PRKCA: variants seen among roughly 807,000 people sequenced by gnomAD.
PRKCA encodes the protein protein kinase C alpha type.
A neutral mutation model predicts 87.0 loss-of-function variants in PRKCA; 27 were observed. That is an observed-to-expected ratio of 0.31 (90% CI 0.23 to 0.43). PRKCA has a LOEUF of 0.43. Among genes scored for constraint, PRKCA ranks in the 20% least tolerant of loss-of-function variants. The pLI is 1.00. For synonymous variants in PRKCA, 329 were observed against 311.1 expected (o/e 1.06, Z -0.61); for missense variants, 518 against 852.3 (o/e 0.61, Z 4.88).
intron 2 of PRKCA, among the ~76,000 whole-genome samples, chr17:66,444,986 A>G (rs1462535091): frequency 6.6e-6 from 1 of 152,056 alleles, no homozygotes; most frequent in East Asian, 1.9e-4. Context: ...CACTGACCTT[A>G]TGGGCCCTTT....
chr17:66,431,232 T>A (rs1913083050), intron 2 of PRKCA, among the ~76,000 whole-genome samples: 1 of 152,228 alleles, frequency 6.6e-6, no homozygotes, highest in African/African-American at 2.4e-5. Flanking sequence ...TTTTTGATAC[T>A]TTTAGATATT....
Position 66,489,831 on chromosome 17 carries a change from G to A in PRKCA, c.206-6370G>A, listed in dbSNP as rs1598714997. Among the ~76,000 whole-genome samples, 2 of 149,984 alleles carry A rather than the reference G, an allele frequency of 1.3e-5. 1 individual carries two copies. Among genetic ancestry groups the A allele is most frequent in the South Asian group, 4.2e-4 (2 of 4,708 alleles). On this transcript the variant is annotated intron_variant, in intron 2 of 16. Coordinates refer to ENST00000413366, the MANE Select transcript of PRKCA (RefSeq NM_002737.3). Reference sequence around the variant, plus strand: ...GGTCTCACTCTGTCACCCAGGCTGGGGTACAGTGGCGTGATCTCAGCTCAC... The same window carrying A: ...GGTCTCACTCTGTCACCCAGGCTGGAGTACAGTGGCGTGATCTCAGCTCAC...
At chr17:66,452,355 C>T (rs571724222) in intron 2 of PRKCA, among the ~76,000 whole-genome samples, 1 of 152,292 alleles carries the variant, frequency 6.6e-6, no homozygotes, top group South Asian at 2.1e-4. Flanking sequence ...CCAGAACCTT[C>T]TATGTGGTCC....
intron 8 of PRKCA, among the ~76,000 whole-genome samples, chr17:66,716,776 G>A (rs942924836): frequency 2.0e-5 from 3 of 152,244 alleles, no homozygotes; most frequent in Non-Finnish European, 2.9e-5. Flanking sequence ...ATCTGGCAAA[G>A]TGCCAACACG....
At chr17:66,514,162 G>A (rs935038870) in intron 3 of PRKCA, among the ~76,000 whole-genome samples, 7 of 152,144 alleles carry the variant, frequency 4.6e-5, no homozygotes, top group Non-Finnish European at 1.0e-4. Flanking sequence ...ACATGGGTAT[G>A]TACATATAGG....
chr17:66,792,789 C>T lies in PRKCA; in HGVS notation c.1854+3810C>T, dbSNP rs1975572661. On this transcript the variant is annotated intron_variant, in intron 16 of 16. Coordinates refer to ENST00000413366, the MANE Select transcript of PRKCA (RefSeq NM_002737.3). The surrounding 1 kb of genome is among the most constrained non-coding windows in gnomAD (Gnocchi z 4.5). The stretch of plus-strand genomic sequence containing the variant: ...CATCTCCCTTAGCAGTGGCCACCTT[C>T]CCTGGCAGTGGCCATCTCCCCTGGT... 6.6e-6 allele frequency among the ~76,000 whole-genome samples: 1 copy of T among 152,144 alleles called. No homozygotes were observed. The highest frequency in any genetic ancestry group is 2.4e-5 in the African/African-American group (1 of 41,416).
intron 2 of PRKCA, among the ~76,000 whole-genome samples, chr17:66,443,982 C>T (rs1913903350): frequency 6.6e-6 from 1 of 152,094 alleles, no homozygotes; most frequent in Non-Finnish European, 1.5e-5. Context: ...GACCTGTGCC[C>T]TCCGCCTCAC....
rs146382878 is a variant in PRKCA, at chr17:66,630,077, C to T, written c.289-11278C>T. Among the ~76,000 whole-genome samples the T allele has an allele frequency of 5.9e-5, 9 of 152,162 alleles. No individual in the cohort carries two copies. The East Asian group carries it at 1.7e-3, about 29-fold the overall frequency. On this transcript the variant is annotated intron_variant, in intron 3 of 16. Coordinates refer to ENST00000413366, the MANE Select transcript of PRKCA (RefSeq NM_002737.3). The stretch of plus-strand genomic sequence containing the variant: ...TGTTTTAAATAACATTTTTTTAAAA[C>T]GTGAGCTATTCCTCAAAAGATTACT...
Position 66,462,925 on chromosome 17 carries a change from A to AACACACAC in PRKCA, c.206-33242_206-33235dup, listed in dbSNP as rs58085398. Among the ~76,000 whole-genome samples the AACACACAC allele has an allele frequency of 2.8e-3, 410 of 147,642 alleles. 1 individual carries two copies. Among genetic ancestry groups the AACACACAC allele is most frequent in the African/African-American group, 9.0e-3 (365 of 40,508 alleles). ...ACACACATGCACGTGCACACATGCAAACACACACACACACACACACACACA... is the reference window on the plus strand; with the variant it reads ...ACACACATGCACGTGCACACATGCAAACACACACACACACACACACACACACACACACA... On this transcript the variant is annotated intron_variant, in intron 2 of 16. Transcript: ENST00000413366.
chr17:66,382,365 A>G (rs1054203658), intron 2 of PRKCA, among the ~76,000 whole-genome samples: 2 of 152,300 alleles, frequency 1.3e-5, no homozygotes, highest in African/African-American at 2.4e-5. Context: ...GCAGTGGCAC[A>G]ATCTCAGCTC....
Position 66,658,169 on chromosome 17 carries a change from G to A in PRKCA, c.529+12658G>A, listed in dbSNP as rs574650295. The stretch of plus-strand genomic sequence containing the variant: ...AGAAGAATGAGAGCCCAGTAAAGGG[G>A]AAAGCCCCTTATAAAACCATCAGAT... On this transcript the variant is annotated intron_variant, in intron 5 of 16. Coordinates refer to ENST00000413366, the MANE Select transcript of PRKCA (RefSeq NM_002737.3). Among the ~76,000 whole-genome samples the A allele has an allele frequency of 3.9e-5, 6 of 152,202 alleles. No homozygotes were observed. In the East Asian group the frequency reaches 1.2e-3, roughly 29 times the overall value.
At chr17:66,465,088 G>A (rs1915026996) in intron 2 of PRKCA, among the ~76,000 whole-genome samples, 1 of 152,094 alleles carries the variant, frequency 6.6e-6, no homozygotes, top group African/African-American at 2.4e-5. Flanking sequence ...AGTGACATAA[G>A]CAATAACTTA....
intron 3 of PRKCA, among the ~76,000 whole-genome samples, chr17:66,540,585 C>T (rs1458313027): frequency 6.6e-6 from 1 of 152,166 alleles, no homozygotes; most frequent in Non-Finnish European, 1.5e-5. Flanking sequence ...CCAGCGGGGC[C>T]CTGCTGCACT....
chr17:66,570,124 A>G (rs1192975311), intron 3 of PRKCA, among the ~76,000 whole-genome samples: 2 of 152,220 alleles, frequency 1.3e-5, no homozygotes, highest in Non-Finnish European at 2.9e-5. Context: ...ACTGAGAGAA[A>G]GAACCCAGGC....
chr17:66,382,802 G>T (rs1393687045), intron 2 of PRKCA, among the ~76,000 whole-genome samples: 2 of 152,044 alleles, frequency 1.3e-5, no homozygotes, highest in African/African-American at 4.8e-5. Flanking sequence ...GTAGAGGTTA[G>T]GGATGCTGCT....
At chr17:66,773,930 C>T (rs770989946) in intron 13 of PRKCA, 57 bp from the exon 14 acceptor site, 11 of 1,608,470 alleles carry the variant, frequency 6.8e-6, no homozygotes, top group Non-Finnish European at 9.4e-6. Context: ...CTTACCTGTT[C>T]TGACAGGGGC....
intron 2 of PRKCA, among the ~76,000 whole-genome samples, chr17:66,409,525 A>G (rs1911647419): frequency 6.6e-6 from 1 of 152,208 alleles, no homozygotes. Flanking sequence ...TCTCAGATGG[A>G]TTGGAAGTAT....
At chr17:66,631,455 T>C (rs1295301284) in intron 3 of PRKCA, among the ~76,000 whole-genome samples, 2 of 152,190 alleles carry the variant, frequency 1.3e-5, no homozygotes, top group African/African-American at 2.4e-5. Flanking sequence ...TTGCCCAGGC[T>C]GAAGTGCAGT....
chr17:66,341,893 G>T (rs1907063355), intron 2 of PRKCA, among the ~76,000 whole-genome samples: 4 of 152,148 alleles, frequency 2.6e-5, no homozygotes, highest in African/African-American at 9.7e-5. Flanking sequence ...GATTTCTAGT[G>T]AATTATTTTC....
Sources: allele counts gnomAD v4.1 joint callset (sites outside exome capture counted in the v4.1 genomes callset), GRCh38; gene constraint gnomAD v4.1.1; non-coding constraint Gnocchi (gnomAD v3.1); transcripts MANE v1.5; gene names NCBI Gene and HGNC (gene_info 2026-07-23, HGNC 2026-07-21).